The following ETS1 variants were observed in gnomAD, a reference collection of about 807,000 sequenced individuals.
ETS1 encodes the protein ETS proto-oncogene 1, transcription factor.
Under a neutral mutation model 58.6 loss-of-function variants are expected in ETS1, and 15 were observed. The ratio of observed to expected loss-of-function variants is 0.26; its 90% CI spans 0.17 to 0.39. The LOEUF (loss-of-function observed/expected upper bound fraction) is 0.39. Ranked by LOEUF, ETS1 falls within the 10% of genes least tolerant of loss-of-function variation. The probability of loss-of-function intolerance (pLI) is 1.00; values close to 1 mark genes in which losing one functional copy is unlikely to be tolerated. For synonymous variants in ETS1, 214 were observed against 218.2 expected (o/e 0.98, Z 0.17); for missense variants, 417 against 610.5 (o/e 0.68, Z 3.34).
chr11:128,555,240 T>C (rs935267814), intron 3 of ETS1, among the ~76,000 whole-genome samples: 3 of 152,218 alleles, frequency 2.0e-5, no homozygotes, highest in African/African-American at 7.2e-5. Flanking sequence ...TTGCCCTGCG[T>C]CTGTTTATTC....
chr11:128,573,005 AAGG>A lies in ETS1; in HGVS notation c.69+54_69+56del. 16 of 1,399,766 alleles carry A rather than the reference AAGG, an allele frequency of 1.1e-5. 1 individual carries two copies. In the South Asian group the frequency reaches 1.8e-4, roughly 16 times the overall value. The allele number at this position is 1,399,766 out of a possible 1,614,324, so 86.7% of individuals were successfully genotyped here. A position where few individuals can be genotyped will look rare whatever the true frequency, so the allele number is the denominator to read the frequency against. ...CTGGGGGTCAGGATACAGGAAGCAC[AAGG>A]AGGAGGGGAGAAGATTGTGTGGGCA... On this transcript the variant is annotated intron_variant, in intron 2 of 9. Coordinates refer to ENST00000392668, the MANE Select transcript of ETS1 (RefSeq NM_001143820.2).
At chr11:128,485,165 G>C in intron 6 of ETS1, 94 bp from the exon 7 acceptor site, 1 of 1,096,694 alleles carries the variant, frequency 9.1e-7, no homozygotes, top group Non-Finnish European at 1.3e-6. Context: ...TGTGGGACAA[G>C]CTCCTTAGAG....
chr11:128,536,878 A>T (rs1863980252), intron 3 of ETS1: 1 of 152,190 alleles, frequency 6.6e-6, no homozygotes, highest in Admixed American at 6.5e-5. Flanking sequence ...TATGTGTCAA[A>T]CTTCAGAAGT....
Position 128,486,053 on chromosome 11 carries a change from G to A in ETS1, c.613+16C>T. The A allele has an allele frequency of 6.5e-7, 1 of 1,547,432 alleles. No homozygotes were observed. The highest frequency in any genetic ancestry group is 1.4e-5 in the African/African-American group (1 of 73,664). ...TTGCTATTATCATGAGAGAAGAGGGGTAGAAATGAACTTACTAATGAAGTA... is the reference window on the plus strand; with the variant it reads ...TTGCTATTATCATGAGAGAAGAGGGATAGAAATGAACTTACTAATGAAGTA... On this transcript the variant is annotated intron_variant, in intron 6 of 9. Coordinates refer to ENST00000392668, the MANE Select transcript of ETS1 (RefSeq NM_001143820.2).
At chr11:128,505,090 AAG>A (rs752216362) in intron 3 of ETS1, 2 of 152,238 alleles carry the variant, frequency 1.3e-5, no homozygotes, top group Admixed American at 6.5e-5. Flanking sequence ...TCAATCCAGA[AAG>A]AGTGAAGACT....
At chr11:128,531,755 G>A (rs532211609) in intron 3 of ETS1, among the ~76,000 whole-genome samples, 3 of 152,260 alleles carry the variant, frequency 2.0e-5, no homozygotes, top group East Asian at 1.9e-4. Flanking sequence ...TGGATTGCAC[G>A]TTTGATAGCC....
intron 3 of ETS1, among the ~76,000 whole-genome samples, chr11:128,541,796 C>T (rs1406707415): frequency 6.6e-6 from 1 of 152,136 alleles, no homozygotes; most frequent in African/African-American, 2.4e-5. Context: ...TGACCTCAAG[C>T]TGTATATAGT....
chr11:128,538,582 C>T (rs1324825374), intron 3 of ETS1, among the ~76,000 whole-genome samples: 2 of 152,130 alleles, frequency 1.3e-5, no homozygotes, highest in African/African-American at 2.4e-5. Context: ...CATAAATCTC[C>T]CTGCCTGAAA....
At chr11:128,543,051 TGTAATCCCAGCTACTCGG>T (rs960241912) in intron 3 of ETS1, among the ~76,000 whole-genome samples, 7 of 151,912 alleles carry the variant, frequency 4.6e-5, no homozygotes, top group African/African-American at 1.7e-4. Flanking sequence ...GGCAAGCGAC[TGTAATCCCAGCTACTCGG>T]GTAATCCCAG....
intron 3 of ETS1, among the ~76,000 whole-genome samples, chr11:128,527,727 C>T (rs1040233641): frequency 2.6e-5 from 4 of 152,208 alleles, no homozygotes; most frequent in African/African-American, 9.7e-5. Context: ...GGATTTCACC[C>T]ACTGTCCAAG....
rs1478891517 is a variant in ETS1, at chr11:128,549,867, C to G, written c.214+6424G>C. The stretch of plus-strand genomic sequence containing the variant: ...CTCCTTTGGCTGGTGAAATGAGGCA[C>G]AGTGGGCAGATGCTAGCACATTAGC... On this transcript the variant is annotated intron_variant, in intron 3 of 9. Transcript: ENST00000392668. This position sits in a 1 kb window ranked among gnomAD's most constrained non-coding sequence, Gnocchi z 4.3. 6.6e-6 allele frequency among the ~76,000 whole-genome samples: 1 copy of G among 152,138 alleles called. No individual in the cohort carries two copies. Among genetic ancestry groups the G allele is most frequent in the Non-Finnish European group, 1.5e-5 (1 of 68,028 alleles).
In ETS1 at chr11:128,490,494, A is replaced by G; in HGVS notation, c.297T>C (p.Gly99=). 1.2e-6 allele frequency: 2 copies of G among 1,613,916 alleles called. No individual in the cohort carries two copies. The highest frequency in any genetic ancestry group is 1.7e-6 in the Non-Finnish European group (2 of 1,179,864). The change falls in exon 4 of 10, where the codon GGT becomes GGC. Residue 99 remains glycine, a synonymous_variant. Transcript: ENST00000392668. ...MSQALKATFS[G]FTKEQQRLGI... ...CCAGTCGTTGCTGTTCTTTAGTGAA[A>G]CCACTGAAAGTAGCTTTTAATGCTT...
At chr11:128,571,885 AT>A (rs1294096341) in intron 2 of ETS1, 1 of 152,102 alleles carries the variant, frequency 6.6e-6, no homozygotes, top group Non-Finnish European at 1.5e-5. Context: ...TCTACTAAAA[AT>A]ACAAAAAATT....
intron 2 of ETS1, among the ~76,000 whole-genome samples, chr11:128,562,603 T>G (rs1322810548): frequency 2.6e-5 from 4 of 152,002 alleles, no homozygotes; most frequent in African/African-American, 9.7e-5. Flanking sequence ...GCCTGAATGC[T>G]CCACCCATCT....
At chr11:128,525,570 C>G (rs1863784273) in intron 3 of ETS1, among the ~76,000 whole-genome samples, 1 of 144,324 alleles carries the variant, frequency 6.9e-6, no homozygotes, top group African/African-American at 2.6e-5. Flanking sequence ...GATCCAGAAC[C>G]AGTTTATGAC....
chr11:128,517,348 T>C (rs534103987), intron 3 of ETS1, among the ~76,000 whole-genome samples: 1 of 152,376 alleles, frequency 6.6e-6, no homozygotes, highest in South Asian at 2.1e-4. Context: ...GCCTACAACA[T>C]CTCATCAGTT....
intron 7 of ETS1, among the ~76,000 whole-genome samples, chr11:128,481,443 G>C (rs183159431): frequency 6.6e-6 from 1 of 150,586 alleles, no homozygotes; most frequent in Non-Finnish European, 1.5e-5. Flanking sequence ...AAAAAAAATA[G>C]TTTTGGAGGA....
chr11:128,474,804 T>C (rs1325991932), intron 8 of ETS1, among the ~76,000 whole-genome samples: 2 of 152,322 alleles, frequency 1.3e-5, no homozygotes, highest in Non-Finnish European at 2.9e-5. Context: ...CACAACAGCC[T>C]CTGAGCAAGA....
chr11:128,547,624 G>A (rs1864151872), intron 3 of ETS1, among the ~76,000 whole-genome samples: 2 of 151,920 alleles, frequency 1.3e-5, no homozygotes, highest in Non-Finnish European at 2.9e-5. Context: ...TTGAAAATTG[G>A]TGGCTTTGTT....
Sources: allele counts gnomAD v4.1 joint callset (sites outside exome capture counted in the v4.1 genomes callset), GRCh38; gene constraint gnomAD v4.1.1; non-coding constraint Gnocchi (gnomAD v3.1); transcripts MANE v1.5; gene names NCBI Gene and HGNC (gene_info 2026-07-23, HGNC 2026-07-21).